Variants in CEP76 observed in about 807,000 individuals in gnomAD.
The protein encoded by CEP76 is centrosomal protein of 76 kDa.
CEP76 carries 55 observed loss-of-function variants against 83.3 expected under a neutral mutation model. The observed-to-expected ratio is 0.66, with a 90% CI of 0.53 to 0.83. CEP76 has a LOEUF of 0.83. Ranked by LOEUF, CEP76 falls within the 40% of genes least tolerant of loss-of-function variation. The probability of loss-of-function intolerance (pLI) is 0.00; values close to 1 mark genes in which losing one functional copy is unlikely to be tolerated. For missense variants in CEP76, 694 were observed against 799.5 expected (o/e 0.87, Z 1.59); for synonymous variants, 270 against 274.5 (o/e 0.98, Z 0.16).
chr18:12,696,077 G>A (rs2039945853), intron 5 of CEP76, among the ~76,000 whole-genome samples: 1 of 152,098 alleles, frequency 6.6e-6, no homozygotes, highest in East Asian at 1.9e-4. Context: ...CCAGGTCACT[G>A]CTACGATTAT....
At chr18:12,668,734 CTTTTTTTTTTTTTT>C (rs543253434), downstream of CEP76, among the ~76,000 whole-genome samples, 1 of 96,644 alleles carries the variant, frequency 1.0e-5, no homozygotes. Context: ...CACTTTATTC[CTTTTTTTTTTTTTT>C]TTTTTTTTGA....
Position 12,697,396 on chromosome 18 carries a change from C to A in CEP76, c.533G>T (p.Arg178Ile). 6.2e-7 allele frequency: 1 copy of A among 1,607,366 alleles called. No homozygotes were observed. Among genetic ancestry groups the A allele is most frequent in the Non-Finnish European group, 8.5e-7 (1 of 1,176,248 alleles). Residue 178 changes from arginine (R) to isoleucine (I), a missense_variant, in exon 5 of 12, where the codon AGA becomes ATA. By Grantham distance (97) the Arg-to-Ile change is moderately conservative. Transcript: ENST00000262127. Reference protein sequence around the residue: ...VHRESLGDGTRMADSTTMLSI... With the variant: ...VHRESLGDGTIMADSTTMLSI... ...TAACATTGTTGTTGAATCAGCCATTCTAGTTCCATCACCTAGCAATATAAT... is the reference window on the plus strand; with the variant it reads ...TAACATTGTTGTTGAATCAGCCATTATAGTTCCATCACCTAGCAATATAAT...
downstream of CEP76, among the ~76,000 whole-genome samples, chr18:12,668,961 G>C (rs1478106751): frequency 2.7e-5 from 4 of 146,298 alleles, no homozygotes; most frequent in Admixed American, 2.8e-4. Context: ...GGCTGGTCTT[G>C]AACTCCTGAT....
At chr18:12,701,472 A>T (rs2040147486) in intron 1 of CEP76, among the ~76,000 whole-genome samples, 1 of 152,154 alleles carries the variant, frequency 6.6e-6, no homozygotes, top group Non-Finnish European at 1.5e-5. Context: ...ACCAGCTTTC[A>T]ACTTAGTAGA....
chr18:12,674,461 A>C, intron 11 of CEP76, 75 bp downstream of exon 11: 1 of 1,125,630 alleles, frequency 8.9e-7, no homozygotes, highest in South Asian at 1.5e-5. Context: ...AAAAAAAGGA[A>C]ATTAAAAAAA....
intron 2 of CEP76, 34 bp from the exon 3 acceptor site, chr18:12,699,939 T>A: frequency 7.2e-7 from 1 of 1,385,110 alleles, no homozygotes; most frequent in Non-Finnish European, 9.9e-7. Context: ...CAAAACAAAT[T>A]AGAAAACAAT....
chr18:12,702,644 C>G lies in CEP76; in HGVS notation c.-96G>C. The stretch of plus-strand genomic sequence containing the variant: ...CAGGGAGCGTTAGGAGCGACTGGAG[C>G]ACAAAGCGCCGCAGCCGTTCGCCTA... On this transcript the variant is annotated 5_prime_UTR_variant, in exon 1 of 12. Coordinates refer to ENST00000262127, the MANE Select transcript of CEP76 (RefSeq NM_024899.4). The G allele has an allele frequency of 7.3e-7, 1 of 1,373,634 alleles. No homozygotes were observed. Among genetic ancestry groups the G allele is most frequent in the South Asian group, 1.3e-5 (1 of 76,146 alleles). 85.1% of individuals were successfully genotyped at this position (1,373,634 alleles called of 1,614,324 possible).
intron 12 of CEP76, among the ~76,000 whole-genome samples, chr18:12,662,955 G>A (rs1316437934): frequency 6.6e-5 from 10 of 152,138 alleles, no homozygotes; most frequent in African/African-American, 2.2e-4. Flanking sequence ...CATTATAAAT[G>A]TATGACGTTC....
chr18:12,682,882 A>G (rs908148516), intron 8 of CEP76, among the ~76,000 whole-genome samples: 2 of 151,802 alleles, frequency 1.3e-5, no homozygotes, highest in African/African-American at 4.8e-5. Flanking sequence ...TCGGCCTCCC[A>G]AAGTGCTGCG....
At chr18:12,669,032 CTTTTTTTTTT>C (rs71174122), downstream of CEP76, among the ~76,000 whole-genome samples, 29 of 41,958 alleles carry the variant, frequency 6.9e-4, no homozygotes, top group East Asian at 4.3e-3. Context: ...ACCCCCCGCA[CTTTTTTTTTT>C]TTTTTTTTTT....
intron 9 of CEP76, chr18:12,678,971 G>A (rs187152992): frequency 1.3e-5 from 2 of 152,130 alleles, no homozygotes; most frequent in Admixed American, 6.6e-5. Context: ...AAAAAAGTTT[G>A]CCTCAGATAA....
At chr18:12,675,307 AATGGT>A (rs2039083403) in intron 10 of CEP76, among the ~76,000 whole-genome samples, 1 of 152,208 alleles carries the variant, frequency 6.6e-6, no homozygotes, top group East Asian at 1.9e-4. Flanking sequence ...GAGGCAGGAG[AATGGT>A]ATGAATCCGG....
intron 9 of CEP76, chr18:12,679,156 G>C (rs1288875722): frequency 3.9e-5 from 6 of 152,002 alleles, no homozygotes; most frequent in Non-Finnish European, 8.8e-5. Context: ...AACAGCCAGA[G>C]AGGAATAATA....
At chr18:12,681,370 C>G (rs2039344393) in intron 8 of CEP76, among the ~76,000 whole-genome samples, 1 of 151,094 alleles carries the variant, frequency 6.6e-6, no homozygotes, top group Non-Finnish European at 1.5e-5. Flanking sequence ...TCTCAGCCTC[C>G]CAAGTAGCTG....
intron 6 of CEP76, among the ~76,000 whole-genome samples, chr18:12,693,176 A>G (rs745733587): frequency 2.6e-5 from 4 of 152,242 alleles, no homozygotes; most frequent in Non-Finnish European, 5.9e-5. Flanking sequence ...TTATCAGATA[A>G]TAGAATAAAC....
At chr18:12,671,581 TTAACAC>T (rs113404860), downstream of CEP76, among the ~76,000 whole-genome samples, 2,651 of 151,750 alleles carry the variant, frequency 0.017, 87 homozygotes, top group African/African-American at 0.061. Flanking sequence ...TTTTGTTCAC[TTAACAC>T]TTTTTTTAAT....
intron 6 of CEP76, among the ~76,000 whole-genome samples, chr18:12,694,309 A>C (rs2039872388): frequency 6.6e-6 from 1 of 152,242 alleles, no homozygotes. Flanking sequence ...TAAAAGGAAC[A>C]ATATGACAGG....
At chr18:12,685,757 G>C (rs1414725271) in intron 8 of CEP76, 1 of 152,354 alleles carries the variant, frequency 6.6e-6, no homozygotes, top group East Asian at 1.9e-4. Flanking sequence ...TCAGCCTCCT[G>C]AGTAGCTGGG....
In CEP76 at chr18:12,702,313, A is replaced by G. The variant is rs903153494; in HGVS notation, c.63+173T>C. On this transcript the variant is annotated intron_variant, in intron 1 of 11. Coordinates refer to ENST00000262127, the MANE Select transcript of CEP76 (RefSeq NM_024899.4). ...GCTCGGCTCGTTTTCTTTCTCGGAG[A>G]CGAGGACGCTCTCCTGCCTCAAACT... 36 of 557,082 alleles carry G rather than the reference A, an allele frequency of 6.5e-5. No homozygotes were observed. In the African/African-American group the frequency reaches 6.8e-4, roughly 11 times the overall value. The allele number at this position is 557,082 out of a possible 1,614,324, so 34.5% of individuals were successfully genotyped here.
Sources: gnomAD v4.1 joint callset for allele counts (sites outside exome capture counted in the v4.1 genomes callset) on GRCh38, gnomAD v4.1.1 for gene constraint, MANE v1.5 for transcripts, NCBI Gene and HGNC (gene_info 2026-07-23, HGNC 2026-07-21) for gene names.